The following CDH23 variants were observed in gnomAD, a reference collection of about 807,000 sequenced individuals.
CDH23 encodes cadherin-23.
In CDH23, 189 loss-of-function variants were observed where a neutral mutation model predicts 317.1. The ratio of observed to expected loss-of-function variants is 0.60; its 90% confidence interval spans 0.53 to 0.67. CDH23 has a LOEUF of 0.67. Among genes scored for constraint, CDH23 ranks in the 30% least tolerant of loss-of-function variants. The pLI is 0.00. For missense variants in CDH23, 4,401 were observed against 4,592.4 expected (o/e 0.96, Z 1.20); for synonymous variants, 1,839 against 1,876.8 (o/e 0.98, Z 0.52).
intron 17 of CDH23, 132 bp downstream of exon 17, chr10:71,679,624 C>G (rs914625941): frequency 2.8e-6 from 2 of 723,780 alleles, no homozygotes; most frequent in Admixed American, 4.4e-5. Flanking sequence ...AGGAAGCTGC[C>G]CGGAGCACCT....
At chr10:71,501,375 C>T (rs1228005878) in intron 3 of CDH23, among the ~76,000 whole-genome samples, 1 of 152,166 alleles carries the variant, frequency 6.6e-6, no homozygotes, top group Non-Finnish European at 1.5e-5. Flanking sequence ...CAGGAGAGCA[C>T]AGGAGTGAAG....
At chr10:71,638,498 G>A (rs939227745) in intron 11 of CDH23, among the ~76,000 whole-genome samples, 3 of 152,218 alleles carry the variant, frequency 2.0e-5, no homozygotes, top group East Asian at 3.9e-4. Context: ...CACCTGCAGC[G>A]GAATGCGCCA....
intron 12 of CDH23, among the ~76,000 whole-genome samples, chr10:71,645,232 G>A (rs1405416151): frequency 6.6e-6 from 1 of 152,206 alleles, no homozygotes; most frequent in Non-Finnish European, 1.5e-5. Context: ...CTGGGATCCT[G>A]GGCCCCCCGG....
At chr10:71,642,095 AAATAAT>A (rs71018218) in intron 11 of CDH23, among the ~76,000 whole-genome samples, 77,054 of 150,458 alleles carry the variant, frequency 0.51, 20,651 homozygotes, top group Non-Finnish European at 0.62. Context: ...GCTTCCATCT[AAATAAT>A]AATAATAATA....
chr10:71,562,950 C>T (rs1021027509), intron 6 of CDH23, among the ~76,000 whole-genome samples: 2 of 152,170 alleles, frequency 1.3e-5, no homozygotes, highest in East Asian at 1.9e-4. Flanking sequence ...GATTTAATTT[C>T]TCAGGCCCCA....
intron 9 of CDH23, among the ~76,000 whole-genome samples, chr10:71,605,242 C>CTT (rs36101075): frequency 6.8e-5 from 10 of 147,758 alleles, no homozygotes; most frequent in East Asian, 2.0e-4. Flanking sequence ...TTGTATTGAC[C>CTT]TTTTTTTTTT....
At chr10:71,470,339 A>C (rs1851448645) in intron 3 of CDH23, among the ~76,000 whole-genome samples, 1 of 152,222 alleles carries the variant, frequency 6.6e-6, no homozygotes, top group South Asian at 2.1e-4. Flanking sequence ...AGTGGCATTA[A>C]TTACATTCAC....
At position 71,791,308 on chromosome 10, in the gene CDH23, G is replaced by A. The variant is rs1202240496; in HGVS notation, c.6226G>A (p.Val2076Ile). 1 of 1,613,758 alleles carries A rather than the reference G, an allele frequency of 6.2e-7. No homozygotes were observed. Among genetic ancestry groups the A allele is most frequent in the Admixed American group, 1.7e-5 (1 of 60,002 alleles). Residue 2076 changes from valine (V) to isoleucine (I), a missense_variant, in exon 47 of 70, where the codon GTC becomes ATC. Coordinates refer to ENST00000224721, the MANE Select transcript of CDH23 (RefSeq NM_022124.6). ...CACCTTTAGCCCTGCCACCCTCACTGTCCATCTGCTAGAGAACTGCCCGCC... is the reference window on the plus strand; with the variant it reads ...CACCTTTAGCCCTGCCACCCTCACTATCCATCTGCTAGAGAACTGCCCGCC... ...RPTFSPATLTVHLLENCPPGF... is the reference protein window; with the variant it reads ...RPTFSPATLTIHLLENCPPGF...
At chr10:71,789,928 C>T (rs937564361) in intron 45 of CDH23, among the ~76,000 whole-genome samples, 2 of 151,758 alleles carry the variant, frequency 1.3e-5, no homozygotes, top group Non-Finnish European at 1.5e-5. Context: ...ATTGTGTGAA[C>T]ACATGTGTTG....
chr10:71,671,420 T>C (rs1394770583), intron 14 of CDH23, among the ~76,000 whole-genome samples: 1 of 151,558 alleles, frequency 6.6e-6, no homozygotes, highest in Non-Finnish European at 1.5e-5. Flanking sequence ...GGGAAGGGGG[T>C]GTTTGCAGCA....
In CDH23 at chr10:71,450,269, T is replaced by A. The variant is rs1192915149; in HGVS notation, c.145+3874T>A. 3.3e-5 allele frequency among the ~76,000 whole-genome samples: 5 copies of A among 149,414 alleles called. No homozygotes were observed. The East Asian group carries it at 9.8e-4, about 29-fold the overall frequency. On this transcript the variant is annotated intron_variant, in intron 3 of 69. Coordinates refer to ENST00000224721, the MANE Select transcript of CDH23 (RefSeq NM_022124.6). The stretch of plus-strand genomic sequence containing the variant: ...CTTAACCTCCTGAATCTACTTTTTT[T>A]TTTTTTTTTTTTTTGAGACGGAGTC...
At chr10:71,568,054 G>T (rs1429850067) in intron 7 of CDH23, among the ~76,000 whole-genome samples, 1 of 152,172 alleles carries the variant, frequency 6.6e-6, no homozygotes, top group Admixed American at 6.5e-5. Context: ...TTTGAAAGAT[G>T]GGGTGCCCCC....
intron 1 of CDH23, among the ~76,000 whole-genome samples, chr10:71,428,656 T>A (rs1316425595): frequency 2.6e-5 from 4 of 151,828 alleles, no homozygotes; most frequent in African/African-American, 9.7e-5. Flanking sequence ...TGGCGCGATC[T>A]CAGCTCACTG....
chr10:71,784,841 A>G (rs368649470), intron 42 of CDH23, 50 bp from the exon 43 acceptor site: 1 of 1,506,710 alleles, frequency 6.6e-7, no homozygotes, highest in Non-Finnish European at 9.2e-7. Context: ...TGCCATGCAC[A>G]ACATCTGTCG....
chr10:71,643,081 T>C (rs940919835), intron 11 of CDH23, among the ~76,000 whole-genome samples: 5 of 152,252 alleles, frequency 3.3e-5, no homozygotes, highest in African/African-American at 1.2e-4. Context: ...AGGTTGTTAG[T>C]GTCCTCGTTC....
chr10:71,677,796 C>CATAA, intron 16 of CDH23, 103 bp downstream of exon 16: 1 of 956,580 alleles, frequency 1.0e-6, no homozygotes, highest in Non-Finnish European at 1.6e-6. Context: ...AGACAGGTCT[C>CATAA]ACTCTTTCAC....
chr10:71,811,893 C>G, intron 65 of CDH23, 62 bp from the exon 66 acceptor site: 2 of 1,608,354 alleles, frequency 1.2e-6, no homozygotes, highest in Non-Finnish European at 1.7e-6. Context: ...CCTCACCCCC[C>G]AACACCACCC....
Position 71,617,411 on chromosome 10 carries a change from T to C in CDH23, c.1134+18T>C. ...AGGATGAGGTGAGTCCCTGGACACA[T>C]GGCCCATGCAGACCCACCACCCATC... is the stretch of plus-strand genomic sequence containing the variant. On this transcript the variant is annotated intron_variant, in intron 11 of 69. Transcript: ENST00000224721. 6.2e-7 allele frequency: 1 copy of C among 1,611,306 alleles called. No homozygotes were observed. The highest frequency in any genetic ancestry group is 1.3e-5 in the African/African-American group (1 of 74,984).
chr10:71,799,407 T>TGCA, intron 51 of CDH23, 85 bp from the exon 52 acceptor site: 11 of 1,605,596 alleles, frequency 6.9e-6, no homozygotes, highest in Non-Finnish European at 9.4e-6. Context: ...AGCAGCTTGA[T>TGCA]GCCTGCATCA....
Sources: gnomAD v4.1 joint callset for allele counts (sites outside exome capture counted in the v4.1 genomes callset) on GRCh38, gnomAD v4.1.1 for gene constraint, MANE v1.5 for transcripts, NCBI Gene and HGNC (gene_info 2026-07-23, HGNC 2026-07-21) for gene names.